Variants in TRABD2A observed in about 807,000 individuals in gnomAD.
TRABD2A encodes the protein metalloprotease TIKI1.
In TRABD2A, 43 loss-of-function variants were observed where a neutral mutation model predicts 45.6. The ratio of observed to expected loss-of-function variants is 0.94; its 90% CI spans 0.74 to 1.22. The LOEUF is 1.22. Among genes scored for constraint, TRABD2A ranks in the 50% most tolerant of loss-of-function variants. The pLI is 0.00. For missense variants in TRABD2A, 642 were observed against 652.4 expected (o/e 0.98, Z 0.17); for synonymous variants, 269 against 265.0 (o/e 1.02, Z -0.15).
chr2:84,867,058 ACT>A (rs1226593064), intron 2 of TRABD2A, among the ~76,000 whole-genome samples: 1 of 151,396 alleles, frequency 6.6e-6, no homozygotes, highest in Non-Finnish European at 1.5e-5. Context: ...ACAGAGTGAG[ACT>A]CTGTCTCAAA....
intron 2 of TRABD2A, among the ~76,000 whole-genome samples, chr2:84,844,390 T>C (rs1192017111): frequency 1.3e-5 from 2 of 152,150 alleles, no homozygotes; most frequent in Non-Finnish European, 2.9e-5. Flanking sequence ...TTCCTCCTCC[T>C]TCACCTTCCG....
chr2:84,848,644 C>T (rs1267141228), intron 2 of TRABD2A, among the ~76,000 whole-genome samples: 2 of 151,032 alleles, frequency 1.3e-5, no homozygotes, highest in Admixed American at 6.6e-5. Context: ...GGCATGGTCT[C>T]GGCTCACTGA....
In TRABD2A at chr2:84,867,758, A is replaced by G. The variant is rs1682728964; in HGVS notation, c.669+2467T>C. Among the ~76,000 whole-genome samples, 4 of 152,362 alleles carry G rather than the reference A, an allele frequency of 2.6e-5. No individual in the cohort carries two copies. The South Asian group carries it at 6.2e-4, about 24-fold the overall frequency. Reference sequence around the variant, plus strand: ...TTACAAGAAAAAAACAAACAACCCCATCACAAAGTGGGCAAAGGATATGAA... The same window carrying G: ...TTACAAGAAAAAAACAAACAACCCCGTCACAAAGTGGGCAAAGGATATGAA... On this transcript the variant is annotated intron_variant, in intron 2 of 6. Coordinates refer to ENST00000409520, the MANE Select transcript of TRABD2A (RefSeq NM_001277053.2).
At chr2:84,825,902 A>T (rs191392068) in intron 5 of TRABD2A, among the ~76,000 whole-genome samples, 2 of 152,286 alleles carry the variant, frequency 1.3e-5, no homozygotes, top group African/African-American at 4.8e-5. Flanking sequence ...TGAGAATCTA[A>T]CTAATACCTG....
chr2:84,837,432 G>T (rs540811407), intron 4 of TRABD2A: 1 of 152,182 alleles, frequency 6.6e-6, no homozygotes, highest in South Asian at 2.1e-4. Flanking sequence ...TTCTAGTTTT[G>T]CTCTGTGTCT....
chr2:84,822,196 C>T, intron 6 of TRABD2A, 96 bp from the exon 7 acceptor site: 2 of 1,063,028 alleles, frequency 1.9e-6, no homozygotes, highest in Non-Finnish European at 2.6e-6. Context: ...TCTTCATCTC[C>T]CCTCCTTATA....
In TRABD2A at chr2:84,870,256, C is replaced by T; in HGVS notation, c.638G>A (p.Cys213Tyr). The change falls in exon 2 of 7, where the codon TGC becomes TAC. Residue 213 changes from cysteine to tyrosine, a missense_variant. Physicochemically the swap from Cys to Tyr is radical, Grantham distance 194 (BLOSUM62 -2). Transcript: ENST00000409520. ...TGAVEKVEEQ[C>Y]HPLNGLNFSQ... ...AAAGTTCAACCCATTCAATGGATGGCACTGCTCTTCCACCTTTTCCACTGC... is the reference window on the plus strand; with the variant it reads ...AAAGTTCAACCCATTCAATGGATGGTACTGCTCTTCCACCTTTTCCACTGC... The T allele has an allele frequency of 6.2e-7, 1 of 1,613,568 alleles. No homozygotes were observed. The highest frequency in any genetic ancestry group is 1.7e-5 in the Admixed American group (1 of 60,004).
chr2:84,841,903 G>A lies in TRABD2A; in HGVS notation c.774C>T (p.Cys258=), dbSNP rs550108794. The change falls in exon 3 of 7, where the codon TGC becomes TGT. Residue 258 remains cysteine, a synonymous_variant. Coordinates refer to ENST00000409520, the MANE Select transcript of TRABD2A (RefSeq NM_001277053.2). ...TGAGGATGACGGAGCTGAGGTCCCC[G>A]CAGTTATAGTGTTTGATGAGATCCT... ...TTEDLIKHYN[C]GDLSSVILSH... 22 of 1,547,132 alleles carry A rather than the reference G, an allele frequency of 1.4e-5. No homozygotes were observed. The highest frequency in any genetic ancestry group is 7.3e-5 in the East Asian group (3 of 40,856).
intron 1 of TRABD2A, chr2:84,875,130 CA>C: frequency 1.8e-5 from 3 of 165,096 alleles, no homozygotes; most frequent in Non-Finnish European, 3.9e-5. Context: ...CATTTGACAG[CA>C]AAAACCACAA....
chr2:84,842,961 A>C (rs1559088766), intron 2 of TRABD2A, among the ~76,000 whole-genome samples: 1 of 151,410 alleles, frequency 6.6e-6, no homozygotes, highest in Non-Finnish European at 1.5e-5. Flanking sequence ...TCCAGCTCTG[A>C]CCCAGATCTC....
Position 84,841,861 on chromosome 2 carries a change from C to T in TRABD2A, c.816G>A (p.Gln272=), listed in dbSNP as rs1269785588. The change falls in exon 3 of 7, where the codon CAG becomes CAA. Residue 272 remains glutamine (Q), a splice_region_variant and synonymous_variant. Transcript: ENST00000409520. ...CTTGGCAGGGGGAAAGGGTGCTCAC[C>T]TGGGAGCTGTCATGGCTGAGGATGA... The part of the protein sequence containing the change: ...SSVILSHDSS[Q]VPNFINATLP... The T allele has an allele frequency of 3.9e-6, 6 of 1,526,216 alleles. No homozygotes were observed. The Admixed American group carries it at 1.1e-4, about 28-fold the overall frequency. 94.5% of individuals were successfully genotyped at this position (1,526,216 alleles called of 1,614,324 possible).
At chr2:84,878,213 G>T (rs752409826) in intron 1 of TRABD2A, among the ~76,000 whole-genome samples, 1 of 152,146 alleles carries the variant, frequency 6.6e-6, no homozygotes, top group Non-Finnish European at 1.5e-5. Context: ...GAATTTCCCA[G>T]GGGGAAGAAA....
chr2:84,869,452 C>A (rs566274057), intron 2 of TRABD2A, among the ~76,000 whole-genome samples: 9 of 152,276 alleles, frequency 5.9e-5, no homozygotes, highest in African/African-American at 2.2e-4. Context: ...GGGTAGGATC[C>A]TTAAACCAGG....
chr2:84,821,744 T>C lies in TRABD2A; in HGVS notation c.*173A>G. 3 of 555,418 alleles carry C rather than the reference T, an allele frequency of 5.4e-6. No homozygotes were observed. The highest frequency in any genetic ancestry group is 8.6e-6 in the Non-Finnish European group (3 of 349,346). The allele number at this position is 555,418 out of a possible 1,614,324, so 34.4% of individuals were successfully genotyped here. ...CAAAACTGTACACCTGCCCCCAAAG[T>C]TGGATAACCCAAAGTCACATTCCTT... On this transcript the variant is annotated 3_prime_UTR_variant, in exon 7 of 7. Transcript: ENST00000409520.
At chr2:84,866,166 A>G (rs1682671742) in intron 2 of TRABD2A, among the ~76,000 whole-genome samples, 1 of 152,180 alleles carries the variant, frequency 6.6e-6, no homozygotes, top group African/African-American at 2.4e-5. Context: ...AGAAGTCAAG[A>G]TGTCTAGGTG....
At chr2:84,844,208 T>G (rs963621536) in intron 2 of TRABD2A, among the ~76,000 whole-genome samples, 5 of 152,148 alleles carry the variant, frequency 3.3e-5, no homozygotes, top group African/African-American at 1.2e-4. Flanking sequence ...CATCTTGAAT[T>G]GTAGCTCCTA....
intron 2 of TRABD2A, among the ~76,000 whole-genome samples, chr2:84,850,421 G>C (rs1386785413): frequency 1.3e-5 from 2 of 152,068 alleles, no homozygotes; most frequent in African/African-American, 4.8e-5. Flanking sequence ...GGAAGAAGAT[G>C]GTGGTGGTCC....
At chr2:84,853,624 C>T (rs1223995851) in intron 2 of TRABD2A, among the ~76,000 whole-genome samples, 1 of 152,112 alleles carries the variant, frequency 6.6e-6, no homozygotes, top group African/African-American at 2.4e-5. Flanking sequence ...GAGTGAGGCT[C>T]CTACAAGACA....
intron 2 of TRABD2A, among the ~76,000 whole-genome samples, chr2:84,845,570 C>A (rs11691972): frequency 3.0e-5 from 4 of 131,682 alleles, no homozygotes; most frequent in Non-Finnish European, 6.4e-5. Flanking sequence ...GAGACAAGGG[C>A]GGGGGAAGAA....
Sources: gnomAD v4.1 joint callset for allele counts (sites outside exome capture counted in the v4.1 genomes callset) on GRCh38, gnomAD v4.1.1 for gene constraint, MANE v1.5 for transcripts, NCBI Gene and HGNC (gene_info 2026-07-23, HGNC 2026-07-21) for gene names.